The following CTNND2 variants were observed in gnomAD, a reference collection of about 807,000 sequenced individuals.
CTNND2 encodes the protein catenin delta-2.
Under a neutral mutation model 144.4 loss-of-function variants are expected in CTNND2, and 22 were observed. The ratio of observed to expected loss-of-function variants is 0.15; its 90% CI spans 0.11 to 0.22. The LOEUF (loss-of-function observed/expected upper bound fraction) is 0.22, where lower values mean the gene tolerates loss of function less well. Ranked by LOEUF, CTNND2 falls within the 10% of genes least tolerant of loss-of-function variation. The pLI is 1.00. For missense variants in CTNND2, 1,353 were observed against 1,618.8 expected (o/e 0.84, Z 2.82); for synonymous variants, 751 against 695.6 (o/e 1.08, Z -1.25).
At chr5:11,624,086 T>C (rs1202701397) in intron 2 of CTNND2, among the ~76,000 whole-genome samples, 1 of 151,824 alleles carries the variant, frequency 6.6e-6, no homozygotes, top group African/African-American at 2.4e-5. Context: ...TTATTCGCAA[T>C]GTAGGAACAG....
At chr5:11,655,020 T>C (rs1319918104) in intron 2 of CTNND2, among the ~76,000 whole-genome samples, 1 of 152,132 alleles carries the variant, frequency 6.6e-6, no homozygotes, top group Non-Finnish European at 1.5e-5. Context: ...GGTTTATGTA[T>C]ATTATCTTGC....
chr5:11,065,767 A>G (rs993107085), intron 16 of CTNND2, among the ~76,000 whole-genome samples: 2 of 152,224 alleles, frequency 1.3e-5, no homozygotes, highest in African/African-American at 4.8e-5. Context: ...TATGTGACAA[A>G]GAAGAAAGTC....
rs367796322 is a variant in CTNND2, at chr5:11,100,931, T to C, written c.2464-2183A>G. On this transcript the variant is annotated intron_variant, in intron 14 of 21. Coordinates refer to ENST00000304623, the MANE Select transcript of CTNND2 (RefSeq NM_001332.4). ...CTTCTGTGCAATAAAGCAGGATAAA[T>C]GGTTAAGTCCGTAGAAAATTTTCCT... 7.9e-5 allele frequency among the ~76,000 whole-genome samples: 12 copies of C among 152,302 alleles called. No homozygotes were observed. In the East Asian group the frequency reaches 2.1e-3, roughly 27 times the overall value.
chr5:11,580,810 G>A (rs113988103), intron 2 of CTNND2, among the ~76,000 whole-genome samples: 8 of 152,234 alleles, frequency 5.3e-5, no homozygotes, highest in South Asian at 2.1e-4. Flanking sequence ...TTACCAAAGC[G>A]TGAGACTGAC....
chr5:11,686,935 G>C (rs1784681374), intron 2 of CTNND2, among the ~76,000 whole-genome samples: 1 of 150,474 alleles, frequency 6.6e-6, no homozygotes, highest in South Asian at 2.1e-4. Flanking sequence ...AATAGAAAAT[G>C]CAGTTAAGAA....
intron 9 of CTNND2, among the ~76,000 whole-genome samples, chr5:11,251,635 C>T (rs975060480): frequency 6.6e-6 from 1 of 152,216 alleles, no homozygotes; most frequent in Non-Finnish European, 1.5e-5. Context: ...GGAAACAGAG[C>T]AAACGAATCG....
intron 3 of CTNND2, among the ~76,000 whole-genome samples, chr5:11,546,793 C>T (rs1358298630): frequency 2.6e-5 from 4 of 151,922 alleles, no homozygotes; most frequent in Admixed American, 6.6e-5. Context: ...TGTAATTCTC[C>T]CCCAATTTCT....
At chr5:11,167,567 G>A (rs1759461048) in intron 11 of CTNND2, among the ~76,000 whole-genome samples, 1 of 152,048 alleles carries the variant, frequency 6.6e-6, no homozygotes, top group Non-Finnish European at 1.5e-5. Context: ...CTAAGGTACT[G>A]TCTTGTTCGA....
chr5:11,382,807 C>T (rs1758648065), intron 7 of CTNND2, among the ~76,000 whole-genome samples: 1 of 152,106 alleles, frequency 6.6e-6, no homozygotes, highest in Non-Finnish European at 1.5e-5. Flanking sequence ...CTCCCAACTT[C>T]ACAACGCCTC....
chr5:11,714,702 C>A (rs142459366), intron 2 of CTNND2, among the ~76,000 whole-genome samples: 2 of 151,776 alleles, frequency 1.3e-5, no homozygotes, highest in African/African-American at 4.8e-5. Flanking sequence ...GTCAGGAGAT[C>A]GAGACTATCC....
intron 1 of CTNND2, among the ~76,000 whole-genome samples, chr5:11,811,254 G>C (rs1374584691): frequency 6.6e-6 from 1 of 152,096 alleles, no homozygotes; most frequent in Non-Finnish European, 1.5e-5. Flanking sequence ...CAGCTTAATG[G>C]AGAACTGGGC....
chr5:11,729,436 A>G (rs1787206783), intron 2 of CTNND2, among the ~76,000 whole-genome samples: 1 of 152,168 alleles, frequency 6.6e-6, no homozygotes, highest in Admixed American at 6.5e-5. Flanking sequence ...AACATATCTA[A>G]TGTTCTGAGT....
At chr5:11,727,738 G>A (rs1787103112) in intron 2 of CTNND2, among the ~76,000 whole-genome samples, 1 of 152,096 alleles carries the variant, frequency 6.6e-6, no homozygotes, top group African/African-American at 2.4e-5. Flanking sequence ...TATAACTTCT[G>A]CTTTTTCTTG....
intron 10 of CTNND2, among the ~76,000 whole-genome samples, chr5:11,224,858 G>C (rs1740163504): frequency 6.6e-6 from 1 of 152,174 alleles, no homozygotes; most frequent in African/African-American, 2.4e-5. Flanking sequence ...GATCCAATAA[G>C]TCACTTTGTT....
At chr5:10,999,934 C>A (rs72729239) in intron 18 of CTNND2, among the ~76,000 whole-genome samples, 2 of 152,200 alleles carry the variant, frequency 1.3e-5, no homozygotes, top group African/African-American at 4.8e-5. Context: ...CCAATGTGCA[C>A]GACAATCGGG....
chr5:11,216,089 T>C (rs371372467), intron 10 of CTNND2, among the ~76,000 whole-genome samples: 30 of 152,178 alleles, frequency 2.0e-4, no homozygotes, highest in African/African-American at 7.0e-4. Context: ...GAATCTTATC[T>C]GAAGGAAGAT....
At chr5:11,639,536 C>G (rs1303132924) in intron 2 of CTNND2, among the ~76,000 whole-genome samples, 2 of 152,130 alleles carry the variant, frequency 1.3e-5, no homozygotes, top group Non-Finnish European at 2.9e-5. Flanking sequence ...ATTACAGTAT[C>G]CTGTCTCTAA....
chr5:11,364,089 T>C (rs61750676), intron 8 of CTNND2, among the ~76,000 whole-genome samples: 4,089 of 152,290 alleles, frequency 0.027, 179 homozygotes, highest in African/African-American at 0.093. Flanking sequence ...AACACTTGCG[T>C]TTTGTCGTGT....
At chr5:10,995,555 G>A (rs907387498) in intron 18 of CTNND2, among the ~76,000 whole-genome samples, 2 of 152,218 alleles carry the variant, frequency 1.3e-5, no homozygotes, top group Non-Finnish European at 2.9e-5. Flanking sequence ...GTACAGACAA[G>A]CCTTTGGCAA....
Sources: allele counts gnomAD v4.1 joint callset (sites outside exome capture counted in the v4.1 genomes callset), GRCh38; gene constraint gnomAD v4.1.1; transcripts MANE v1.5; gene names NCBI Gene and HGNC (gene_info 2026-07-23, HGNC 2026-07-21).